The following NRG3 variants were observed in gnomAD, a reference collection of about 807,000 sequenced individuals.
The protein encoded by NRG3 is pro-neuregulin-3, membrane-bound isoform.
In NRG3, 31 loss-of-function variants were observed where a neutral mutation model predicts 66.9. The observed-to-expected ratio is 0.46, with a 90% CI of 0.35 to 0.63. The LOEUF (loss-of-function observed/expected upper bound fraction) is 0.63, where lower values mean the gene tolerates loss of function less well. Ranked by LOEUF, NRG3 falls within the 20% of genes least tolerant of loss-of-function variation. NRG3 has a pLI of 0.00. For missense variants in NRG3, 910 were observed against 878.9 expected (o/e 1.04, Z -0.45); for synonymous variants, 393 against 359.4 (o/e 1.09, Z -1.06).
intron 2 of NRG3, among the ~76,000 whole-genome samples, chr10:82,679,650 G>A (rs1397079785): frequency 6.6e-6 from 1 of 152,058 alleles, no homozygotes; most frequent in Non-Finnish European, 1.5e-5. Context: ...TAAGAGTGGG[G>A]CCTTTCTGAT....
At chr10:82,948,832 A>C (rs1849261498) in intron 4 of NRG3, among the ~76,000 whole-genome samples, 1 of 152,150 alleles carries the variant, frequency 6.6e-6, no homozygotes, top group Non-Finnish European at 1.5e-5. Context: ...GCTTTTCTGT[A>C]TAAATTGTCA....
chr10:82,646,801 C>T (rs1380939577), intron 2 of NRG3, among the ~76,000 whole-genome samples: 2 of 152,070 alleles, frequency 1.3e-5, no homozygotes, highest in East Asian at 3.9e-4. Context: ...TCAGGGTTTG[C>T]TAACTGGTGC....
At chr10:82,257,784 T>A (rs999377333) in intron 1 of NRG3, among the ~76,000 whole-genome samples, 2 of 152,012 alleles carry the variant, frequency 1.3e-5, no homozygotes, top group Non-Finnish European at 2.9e-5. Flanking sequence ...GAAAAAAAAA[T>A]TCTGATTTTT....
chr10:82,677,744 A>G (rs2494025), intron 2 of NRG3, among the ~76,000 whole-genome samples: 149,167 of 152,250 alleles, frequency 0.98, 73,089 homozygotes, highest in East Asian at 1. Flanking sequence ...GAGCAGGAAT[A>G]AAAGTTTATT....
At chr10:82,739,504 A>G (rs1376178006) in intron 3 of NRG3, among the ~76,000 whole-genome samples, 1 of 152,216 alleles carries the variant, frequency 6.6e-6, no homozygotes, top group Admixed American at 6.5e-5. Flanking sequence ...AATATTTTGT[A>G]CTGACTAAGG....
intron 1 of NRG3, among the ~76,000 whole-genome samples, chr10:82,289,651 G>A (rs780410829): frequency 3.3e-5 from 5 of 151,906 alleles, no homozygotes; most frequent in Non-Finnish European, 7.4e-5. Flanking sequence ...TTTTTGTCAC[G>A]AAGTTTTGTA....
At chr10:82,065,453 A>G (rs1229832241) in intron 1 of NRG3, among the ~76,000 whole-genome samples, 1 of 152,174 alleles carries the variant, frequency 6.6e-6, no homozygotes, top group Non-Finnish European at 1.5e-5. Context: ...TGAAAGATAT[A>G]TACATTGTGT....
intron 1 of NRG3, among the ~76,000 whole-genome samples, chr10:82,301,039 G>A (rs2134769127): frequency 6.6e-6 from 1 of 152,202 alleles, no homozygotes; most frequent in Non-Finnish European, 1.5e-5. Flanking sequence ...CTTAAAATGA[G>A]GAGATTAAAT....
At chr10:82,719,215 G>C (rs1319872171) in intron 2 of NRG3, among the ~76,000 whole-genome samples, 1 of 152,144 alleles carries the variant, frequency 6.6e-6, no homozygotes, top group Non-Finnish European at 1.5e-5. Flanking sequence ...GTGTGTATTG[G>C]AAGTAATAGT....
At chr10:82,701,369 G>C (rs894906058) in intron 2 of NRG3, among the ~76,000 whole-genome samples, 3 of 151,990 alleles carry the variant, frequency 2.0e-5, no homozygotes, top group Admixed American at 1.3e-4. Flanking sequence ...GCATAAATCT[G>C]TCAGTCAAGT....
chr10:82,099,068 G>C (rs1279191045), intron 1 of NRG3, among the ~76,000 whole-genome samples: 1 of 152,032 alleles, frequency 6.6e-6, no homozygotes, highest in Non-Finnish European at 1.5e-5. Context: ...CCTGGCCTAG[G>C]TAGCATCTTG....
intron 2 of NRG3, among the ~76,000 whole-genome samples, chr10:82,548,038 C>CT (rs2044042718): frequency 3.3e-5 from 3 of 92,062 alleles, no homozygotes; most frequent in Admixed American, 2.2e-4. Flanking sequence ...ACTCATGCCA[C>CT]GTTTTTTTTT....
At chr10:82,208,201 A>C (rs1371872601) in intron 1 of NRG3, among the ~76,000 whole-genome samples, 1 of 152,188 alleles carries the variant, frequency 6.6e-6, no homozygotes, top group Admixed American at 6.6e-5. Context: ...ACTAATTAGC[A>C]TAACTAATAT....
chr10:82,130,405 G>A (rs1400624511), intron 1 of NRG3, among the ~76,000 whole-genome samples: 2 of 150,744 alleles, frequency 1.3e-5, no homozygotes, highest in Non-Finnish European at 2.9e-5. Flanking sequence ...AGGCCCCAGT[G>A]TGTGATGTTC....
chr10:82,595,731 GCCGAGA>G (rs2047235147), intron 2 of NRG3, among the ~76,000 whole-genome samples: 1 of 151,892 alleles, frequency 6.6e-6, no homozygotes, highest in Non-Finnish European at 1.5e-5. Flanking sequence ...GTTGCAGTGA[GCCGAGA>G]TCATGCCATT....
At chr10:82,452,402 T>G (rs892806469) in intron 2 of NRG3, among the ~76,000 whole-genome samples, 1 of 152,264 alleles carries the variant, frequency 6.6e-6, no homozygotes, top group Admixed American at 6.5e-5. Context: ...TACCTTGTAA[T>G]GTATAGAACA....
At chr10:82,866,593 G>A (rs1591773643) in intron 4 of NRG3, among the ~76,000 whole-genome samples, 1 of 152,192 alleles carries the variant, frequency 6.6e-6, no homozygotes, top group Admixed American at 6.5e-5. Context: ...TTGGATAGAT[G>A]TGATGAAAAC....
Position 82,887,304 on chromosome 10 carries a change from A to G in NRG3, c.1054+21867A>G, listed in dbSNP as rs114449655. ...AAGCATCAGCTCCGATTACGCTGAAAGTGTGATGCTCCTCTTACCTAGATG... is the reference window on the plus strand; with the variant it reads ...AAGCATCAGCTCCGATTACGCTGAAGGTGTGATGCTCCTCTTACCTAGATG... On this transcript the variant is annotated intron_variant, in intron 4 of 8. Transcript: ENST00000372141. Among the ~76,000 whole-genome samples the G allele has an allele frequency of 2.1e-3, 321 of 152,350 alleles. 1 individual carries two copies. The highest frequency in any genetic ancestry group is 7.5e-3 in the African/African-American group (310 of 41,580).
intron 2 of NRG3, among the ~76,000 whole-genome samples, chr10:82,510,043 A>G (rs1348707843): frequency 2.0e-5 from 3 of 152,102 alleles, no homozygotes; most frequent in African/African-American, 7.2e-5. Flanking sequence ...CCCCTTTGTG[A>G]TCTAGTGGAT....
Sources: gnomAD v4.1 joint callset for allele counts (sites outside exome capture counted in the v4.1 genomes callset) on GRCh38, gnomAD v4.1.1 for gene constraint, MANE v1.5 for transcripts, NCBI Gene and HGNC (gene_info 2026-07-23, HGNC 2026-07-21) for gene names.